Variants in OTUD7A observed in about 807,000 individuals in gnomAD.
OTUD7A encodes OTU deubiquitinase 7A.
In OTUD7A, 12 loss-of-function variants were observed where a neutral mutation model predicts 65.7. The ratio of observed to expected loss-of-function variants is 0.18; its 90% confidence interval spans 0.12 to 0.30. The LOEUF (loss-of-function observed/expected upper bound fraction) is 0.30, where lower values mean the gene tolerates loss of function less well. Among genes scored for constraint, OTUD7A ranks in the 10% least tolerant of loss-of-function variants. The pLI, the probability that OTUD7A is intolerant of heterozygous loss-of-function variation, is 1.00. For synonymous variants in OTUD7A, 641 were observed against 586.3 expected (o/e 1.09, Z -1.35); for missense variants, 1,148 against 1,304.8 (o/e 0.88, Z 1.85).
chr15:31,722,057 G>A (rs988916947), intron 1 of OTUD7A, among the ~76,000 whole-genome samples: 8 of 152,254 alleles, frequency 5.3e-5, no homozygotes, highest in African/African-American at 1.4e-4. Flanking sequence ...TGCCAGGACT[G>A]TGCCATGAAG....
At chr15:31,658,555 C>T (rs71476553) in intron 1 of OTUD7A, among the ~76,000 whole-genome samples, 27,784 of 152,052 alleles carry the variant, frequency 0.18, 2,826 homozygotes, top group East Asian at 0.25. Context: ...CCCCCTGAGC[C>T]TTCCCAGGAT....
rs1555425282 is a variant in OTUD7A, at chr15:31,860,677, GTATATATATA to G, written c.-100+9820_-100+9829del. Among the ~76,000 whole-genome samples the G allele has an allele frequency of 6.1e-4, 45 of 73,282 alleles. 2 individuals are homozygous for G. Among genetic ancestry groups the G allele is most frequent in the African/African-American group, 1.6e-3 (35 of 21,602 alleles). 48.1% of individuals were successfully genotyped at this position (73,282 alleles called of 152,430 possible). A position where few individuals can be genotyped will look rare whatever the true frequency, so the allele number is the denominator to read the frequency against. ...TGTGTGTATATATAGATGTATGTGT[GTATATATATA>G]TATATATATATATGTATGTATATAT... On this transcript the variant is annotated intron_variant, in intron 1 of 12. Coordinates refer to ENST00000307050, the MANE Select transcript of OTUD7A (RefSeq NM_001382637.1).
At chr15:31,755,243 A>G (rs17673072) in intron 1 of OTUD7A, among the ~76,000 whole-genome samples, 76,425 of 151,896 alleles carry the variant, frequency 0.5, 21,176 homozygotes, top group South Asian at 0.68. Flanking sequence ...AATATGTGGC[A>G]TACATGGTTT....
Position 31,483,228 on chromosome 15 carries a change from A to T in OTUD7A, c.*66T>A. On this transcript the variant is annotated 3_prime_UTR_variant, in exon 13 of 13. Coordinates refer to ENST00000307050, the MANE Select transcript of OTUD7A (RefSeq NM_001382637.1). The stretch of plus-strand genomic sequence containing the variant: ...CGGTGGACCAGGGCATGTAAAAAAG[A>T]CACCGACACAATGGAAAAGAAATCC... 1 of 1,050,924 alleles carries T rather than the reference A, an allele frequency of 9.5e-7. No homozygotes were observed. The highest frequency in any genetic ancestry group is 4.4e-5 in the South Asian group (1 of 22,710). 65.1% of individuals were successfully genotyped at this position (1,050,924 alleles called of 1,614,324 possible).
chr15:31,812,424 T>C (rs1368694696), intron 1 of OTUD7A, among the ~76,000 whole-genome samples: 1 of 152,208 alleles, frequency 6.6e-6, no homozygotes, highest in African/African-American at 2.4e-5. Flanking sequence ...CTGCCTCATT[T>C]ACAGTTGTCC....
intron 4 of OTUD7A, among the ~76,000 whole-genome samples, chr15:31,566,225 T>C (rs1424313534): frequency 1.3e-5 from 2 of 150,800 alleles, no homozygotes; most frequent in Non-Finnish European, 2.9e-5. Context: ...TATATTTCAG[T>C]AATTCTGTAG....
chr15:31,756,871 C>A (rs954100004), intron 1 of OTUD7A, among the ~76,000 whole-genome samples: 7 of 152,160 alleles, frequency 4.6e-5, no homozygotes, highest in African/African-American at 1.7e-4. Flanking sequence ...TTCTAAGGAA[C>A]AGTACGCACA....
At chr15:31,640,698 T>A (rs999977025) in intron 3 of OTUD7A, among the ~76,000 whole-genome samples, 2 of 139,456 alleles carry the variant, frequency 1.4e-5, no homozygotes, top group Admixed American at 1.4e-4. Context: ...TTGATCTAAT[T>A]CTCTACATTA....
intron 1 of OTUD7A, among the ~76,000 whole-genome samples, chr15:31,758,305 C>G (rs2140900580): frequency 6.6e-6 from 1 of 152,310 alleles, no homozygotes; most frequent in East Asian, 1.9e-4. Flanking sequence ...TAGTGCCTTC[C>G]TGCTAAGCAT....
At chr15:31,520,199 G>A (rs527714262) in intron 8 of OTUD7A, among the ~76,000 whole-genome samples, 2 of 147,906 alleles carry the variant, frequency 1.4e-5, no homozygotes, top group African/African-American at 2.5e-5. Flanking sequence ...TAAGCAAAAA[G>A]AACAAAGCTG....
chr15:31,735,533 C>A (rs1275292663), intron 1 of OTUD7A, among the ~76,000 whole-genome samples: 219 of 134,494 alleles, frequency 1.6e-3, no homozygotes, highest in South Asian at 2.1e-3. Context: ...AACTCTGTCT[C>A]AAAAAAAAAA....
At chr15:31,735,469 A>G (rs1217214909) in intron 1 of OTUD7A, among the ~76,000 whole-genome samples, 1 of 151,762 alleles carries the variant, frequency 6.6e-6, no homozygotes, top group African/African-American at 2.4e-5. Context: ...CAGAGGTTGC[A>G]GTGAGCCAAG....
chr15:31,627,339 T>G (rs1890992133), intron 3 of OTUD7A, among the ~76,000 whole-genome samples: 1 of 147,698 alleles, frequency 6.8e-6, no homozygotes, highest in Admixed American at 6.9e-5. Context: ...GAACATGCAG[T>G]GTTTGGTTTT....
chr15:31,844,906 T>C (rs1436261594), intron 1 of OTUD7A, among the ~76,000 whole-genome samples: 1 of 152,162 alleles, frequency 6.6e-6, no homozygotes, highest in Non-Finnish European at 1.5e-5. Flanking sequence ...TTCCCAGGAC[T>C]TGGTGTCCCC....
chr15:31,628,809 A>G (rs1167517257), intron 3 of OTUD7A, among the ~76,000 whole-genome samples: 1 of 152,188 alleles, frequency 6.6e-6, no homozygotes, highest in East Asian at 1.9e-4. Flanking sequence ...GGTCCTTCAC[A>G]TCCCTTGTAA....
intron 1 of OTUD7A, among the ~76,000 whole-genome samples, chr15:31,816,095 T>C (rs966724261): frequency 3.3e-5 from 5 of 152,196 alleles, no homozygotes; most frequent in Non-Finnish European, 7.3e-5. Context: ...TTGCCTGCTC[T>C]GGGCACAGGT....
intron 1 of OTUD7A, among the ~76,000 whole-genome samples, chr15:31,666,171 T>C (rs948275938): frequency 6.6e-6 from 1 of 152,208 alleles, no homozygotes; most frequent in African/African-American, 2.4e-5. Context: ...GCTAGCTTCA[T>C]AGAATGAATT....
chr15:31,590,575 C>A (rs573989812), intron 3 of OTUD7A, among the ~76,000 whole-genome samples: 8 of 152,090 alleles, frequency 5.3e-5, no homozygotes, highest in African/African-American at 1.9e-4. Flanking sequence ...ATTCCACAGA[C>A]GAAATTATCT....
intron 1 of OTUD7A, among the ~76,000 whole-genome samples, chr15:31,768,667 A>G (rs979341809): frequency 1.8e-4 from 27 of 152,106 alleles, no homozygotes; most frequent in Non-Finnish European, 3.2e-4. Context: ...AGAAAAAAAA[A>G]AAAAGTGATA....
Sources: gnomAD v4.1 joint callset for allele counts (sites outside exome capture counted in the v4.1 genomes callset) on GRCh38, gnomAD v4.1.1 for gene constraint, MANE v1.5 for transcripts, NCBI Gene and HGNC (gene_info 2026-07-23, HGNC 2026-07-21) for gene names.